NALCN: variants seen among roughly 807,000 people sequenced by gnomAD.
The protein encoded by NALCN is sodium leak channel, non-selective, also known as sodium leak channel NALCN.
NALCN carries 111 observed loss-of-function variants against 225.3 expected under a neutral mutation model. That is an observed-to-expected ratio of 0.49 (90% CI 0.42 to 0.58). The LOEUF (loss-of-function observed/expected upper bound fraction) is 0.58, where lower values mean the gene tolerates loss of function less well. Among genes scored for constraint, NALCN ranks in the 20% least tolerant of loss-of-function variants. The pLI, the probability that NALCN is intolerant of heterozygous loss-of-function variation, is 0.00. For synonymous variants in NALCN, 764 were observed against 769.0 expected, an observed-to-expected ratio of 0.99 and a Z score of 0.11; for missense variants, 1,378 against 2,202.4, an observed-to-expected ratio of 0.63 and a Z score of 7.49.
intron 26 of NALCN, among the ~76,000 whole-genome samples, chr13:101,102,694 T>C (rs1416255086): frequency 6.6e-6 from 1 of 152,230 alleles, no homozygotes; most frequent in African/African-American, 2.4e-5. Flanking sequence ...GTTATACCTA[T>C]ATGTTGCATT....
chr13:101,060,282 T>TTTTTTTTTG lies in NALCN; in HGVS notation c.4756-316_4756-315insCAAAAAAAA, dbSNP rs755043844. Among the ~76,000 whole-genome samples the TTTTTTTTTG allele has an allele frequency of 1.9e-4, 26 of 138,216 alleles. 1 individual carries two copies. Among genetic ancestry groups the TTTTTTTTTG allele is most frequent in the South Asian group, 1.8e-3 (7 of 4,000 alleles). The allele number at this position is 138,216 out of a possible 152,430, so 90.7% of individuals were successfully genotyped here. A position where few individuals can be genotyped will look rare whatever the true frequency, so the allele number is the denominator to read the frequency against. ...TTGTTGTTGGTGTTTTCTGTTTTTT[T>TTTTTTTTTG]TTTTTTTTTTTTAGATAGGATCTCA... On this transcript the variant is annotated intron_variant, in intron 41 of 43. Transcript: ENST00000251127.
intron 10 of NALCN, among the ~76,000 whole-genome samples, chr13:101,276,986 A>G (rs1019089262): frequency 1.3e-5 from 2 of 152,152 alleles, no homozygotes; most frequent in African/African-American, 4.8e-5. Context: ...ATACACATAT[A>G]CATATACACA....
intron 7 of NALCN, among the ~76,000 whole-genome samples, chr13:101,336,744 C>T (rs1333293357): frequency 6.6e-6 from 1 of 152,044 alleles, no homozygotes; most frequent in Non-Finnish European, 1.5e-5. Context: ...CCAAAATCAC[C>T]TTGTATAAAT....
chr13:101,219,550 A>G (rs377268428), intron 13 of NALCN, among the ~76,000 whole-genome samples: 31 of 152,176 alleles, frequency 2.0e-4, no homozygotes, highest in African/African-American at 7.2e-4. Context: ...TGGCACAGAG[A>G]CTATCAGGTG....
chr13:101,334,434 G>GAC (rs1445731059), intron 7 of NALCN, among the ~76,000 whole-genome samples: 50 of 152,056 alleles, frequency 3.3e-4, no homozygotes, highest in African/African-American at 1.0e-3. Context: ...AGAGAATGGA[G>GAC]AGAGGCATTC....
chr13:101,238,192 T>C (rs1446370152), intron 11 of NALCN, among the ~76,000 whole-genome samples: 1 of 151,932 alleles, frequency 6.6e-6, no homozygotes, highest in African/African-American at 2.4e-5. Context: ...ATATTTGATA[T>C]TATTTTAAAA....
chr13:101,306,973 C>A (rs2044173251), intron 7 of NALCN, among the ~76,000 whole-genome samples: 1 of 152,112 alleles, frequency 6.6e-6, no homozygotes, highest in African/African-American at 2.4e-5. Flanking sequence ...CTCTGAGATG[C>A]CTTCAGTCCC....
At chr13:101,397,372 A>G (rs1013814901) in intron 2 of NALCN, among the ~76,000 whole-genome samples, 1 of 150,578 alleles carries the variant, frequency 6.6e-6, no homozygotes, top group Admixed American at 6.6e-5. Context: ...GATAAGACAT[A>G]ATATACATAT....
At chr13:101,366,346 TTTATC>T (rs1040560454) in intron 6 of NALCN, among the ~76,000 whole-genome samples, 1 of 152,194 alleles carries the variant, frequency 6.6e-6, no homozygotes, top group Non-Finnish European at 1.5e-5. Flanking sequence ...GTGTTGCTTC[TTTATC>T]TTGTTTGCCT....
chr13:101,237,884 C>T lies in NALCN; in HGVS notation c.1305G>A (p.Leu435=), dbSNP rs1419385217. The T allele has an allele frequency of 3.1e-6, 5 of 1,606,490 alleles. No homozygotes were observed. In the South Asian group the frequency reaches 4.5e-5, roughly 14 times the overall value. The change falls in exon 12 of 44, where the codon CTG becomes CTA. Residue 435 remains leucine, a synonymous_variant. Coordinates refer to ENST00000251127, the MANE Select transcript of NALCN (RefSeq NM_052867.4). ...FTVLFDLEAL[L]KIWCLGFTGY... is the part of the protein sequence containing the mutation. ...CAGTAAATCCCAAACACCATATCTT[C>T]AGAAGTGCTTCCAAATCAAAAAGTA...
At chr13:101,099,165 C>G (rs2139591621) in intron 27 of NALCN, among the ~76,000 whole-genome samples, 1 of 152,000 alleles carries the variant, frequency 6.6e-6, no homozygotes. Context: ...AAAAATCACT[C>G]TTCTTTCCAC....
chr13:101,180,860 T>C (rs563837801), intron 14 of NALCN: 1 of 351,378 alleles, frequency 2.8e-6, no homozygotes, highest in East Asian at 7.4e-5. Flanking sequence ...TCTCTCTGCA[T>C]CTGTCTCTCT....
rs182367799 is a variant in NALCN, at chr13:101,305,961, G to A, written c.800-13595C>T. On this transcript the variant is annotated intron_variant, in intron 7 of 43. Coordinates refer to ENST00000251127, the MANE Select transcript of NALCN (RefSeq NM_052867.4). ...CAAAGCAGAGAGAGGTCAGGGAGAG[G>A]GGCTGGTGGAAATATTCAAAGAGGA... 3.3e-4 allele frequency among the ~76,000 whole-genome samples: 51 copies of A among 152,282 alleles called. No homozygotes were observed. The East Asian group carries it at 7.7e-3, about 23-fold the overall frequency.
rs545734405 is a variant in NALCN at position 101,298,480 on chromosome 13, C to G, written c.800-6114G>C. Reference sequence around the variant, plus strand: ...GGGACTACAGGCACATGCCACCACGCCTGGCTAAGTTTTGTATTTTTAGTA... The same window carrying G: ...GGGACTACAGGCACATGCCACCACGGCTGGCTAAGTTTTGTATTTTTAGTA... On this transcript the variant is annotated intron_variant, in intron 7 of 43. Coordinates refer to ENST00000251127, the MANE Select transcript of NALCN (RefSeq NM_052867.4). Among the ~76,000 whole-genome samples the G allele has an allele frequency of 1.1e-4, 17 of 152,234 alleles. No homozygotes were observed. The South Asian group carries it at 3.1e-3, about 28-fold the overall frequency.
At chr13:101,399,540 G>A (rs2047407196) in intron 1 of NALCN, among the ~76,000 whole-genome samples, 1 of 152,182 alleles carries the variant, frequency 6.6e-6, no homozygotes, top group Non-Finnish European at 1.5e-5. Flanking sequence ...ACACTGCTGA[G>A]TAATACAGAT....
intron 15 of NALCN, among the ~76,000 whole-genome samples, chr13:101,146,030 T>C (rs1338221572): frequency 6.6e-6 from 1 of 152,166 alleles, no homozygotes. Context: ...TATGTGGAAA[T>C]ACAAATTGGC....
intron 14 of NALCN, among the ~76,000 whole-genome samples, chr13:101,179,031 CTA>C (rs1326246676): frequency 2.0e-5 from 3 of 152,172 alleles, no homozygotes; most frequent in Non-Finnish European, 4.4e-5. Context: ...GACAGCAAGG[CTA>C]TGTTATTCTA....
At chr13:101,188,115 C>A (rs1316234831) in intron 14 of NALCN, among the ~76,000 whole-genome samples, 1 of 152,020 alleles carries the variant, frequency 6.6e-6, no homozygotes, top group African/African-American at 2.4e-5. Context: ...TATAAAAGTA[C>A]AACTTTGGAA....
In NALCN at chr13:101,277,346, TGA is replaced by T. The variant is rs756151474; in HGVS notation, c.1134+6585_1134+6586del. Among the ~76,000 whole-genome samples the T allele has an allele frequency of 7.9e-5, 12 of 152,312 alleles. No homozygotes were observed. In the Middle Eastern group the frequency reaches 0.014, roughly 173 times the overall value. ...AACTTGAGCCAGCTTCCAATTATGC[TGA>T]GTTATGATTTTAACATTTTAAAATG... On this transcript the variant is annotated intron_variant, in intron 10 of 43. Transcript: ENST00000251127.
Sources: allele counts gnomAD v4.1 joint callset (sites outside exome capture counted in the v4.1 genomes callset), GRCh38; gene constraint gnomAD v4.1.1; transcripts MANE v1.5; gene names NCBI Gene and HGNC (gene_info 2026-07-23, HGNC 2026-07-21).